PELI2: variants seen among roughly 807,000 people sequenced by gnomAD.
PELI2 encodes the protein pellino E3 ubiquitin protein ligase family member 2.
A neutral mutation model predicts 42.3 loss-of-function variants in PELI2; 23 were observed. The ratio of observed to expected loss-of-function variants is 0.54; its 90% confidence interval spans 0.39 to 0.77. The LOEUF is 0.77. PELI2 is among the 30% of genes least tolerant of loss of function. The probability of loss-of-function intolerance (pLI) is 0.00; values close to 1 mark genes in which losing one functional copy is unlikely to be tolerated. For missense variants in PELI2, 463 were observed against 553.2 expected, an observed-to-expected ratio of 0.84 and a Z score of 1.64; for synonymous variants, 245 against 212.2, an observed-to-expected ratio of 1.15 and a Z score of -1.34.
intron 2 of PELI2, among the ~76,000 whole-genome samples, chr14:56,209,524 GGT>G (rs1491196662): frequency 1.4e-5 from 2 of 138,454 alleles, no homozygotes; most frequent in African/African-American, 5.0e-5. Context: ...TTGGAAAATA[GGT>G]TTTTTTAATA....
chr14:56,210,533 A>G (rs867926002), intron 2 of PELI2, among the ~76,000 whole-genome samples: 13 of 152,332 alleles, frequency 8.5e-5, no homozygotes, highest in Middle Eastern at 6.8e-3. Flanking sequence ...AACTGCAGAA[A>G]CAAAAATTGT....
intron 2 of PELI2, among the ~76,000 whole-genome samples, chr14:56,198,116 G>A (rs1331272386): frequency 6.6e-6 from 1 of 152,116 alleles, no homozygotes; most frequent in African/African-American, 2.4e-5. Flanking sequence ...AAGAAGCAAC[G>A]GGACTCTCTC....
chr14:56,208,460 G>A (rs900143968), intron 2 of PELI2, among the ~76,000 whole-genome samples: 4 of 152,168 alleles, frequency 2.6e-5, no homozygotes, highest in Admixed American at 6.5e-5. Flanking sequence ...CCTGCAATAC[G>A]ATTGCATTTG....
At chr14:56,241,461 G>A (rs1276160879) in intron 2 of PELI2, among the ~76,000 whole-genome samples, 1 of 152,152 alleles carries the variant, frequency 6.6e-6, no homozygotes, top group Admixed American at 6.5e-5. Flanking sequence ...AAAGGGTGCA[G>A]CAAGTACAGG....
Position 56,273,592 on chromosome 14 carries a change from C to T in PELI2, c.208-6084C>T, listed in dbSNP as rs242588. 0.91 allele frequency among the ~76,000 whole-genome samples: 138,544 copies of T among 152,282 alleles called. 63,287 individuals carry two copies. Among genetic ancestry groups the T allele is most frequent in the Middle Eastern group, 0.95 (279 of 294 alleles). Reference sequence around the variant, plus strand: ...AAGTGAAATGTTACACATTGTTTTGCATTTGATTTTTGCCTTAATACAGTG... The same window carrying T: ...AAGTGAAATGTTACACATTGTTTTGTATTTGATTTTTGCCTTAATACAGTG... On this transcript the variant is annotated intron_variant, in intron 2 of 5. Transcript: ENST00000267460. The surrounding 1 kb of genome is among the most constrained non-coding windows in gnomAD (Gnocchi z 4.3).
At chr14:56,155,122 G>A (rs1403547530) in intron 1 of PELI2, among the ~76,000 whole-genome samples, 3 of 152,036 alleles carry the variant, frequency 2.0e-5, no homozygotes, top group Admixed American at 2.0e-4. Flanking sequence ...TTAAAGACAC[G>A]AGGCTTTTGT....
intron 1 of PELI2, 72 bp from the exon 2 acceptor site, chr14:56,178,263 A>G: frequency 2.0e-6 from 3 of 1,514,942 alleles, no homozygotes; most frequent in Non-Finnish European, 1.8e-6. Context: ...TCCCTTATTC[A>G]ATACCTCTAA....
rs189010143 is a variant in PELI2, at chr14:56,174,955, A to G, written c.78-3380A>G. Among the ~76,000 whole-genome samples, 12 of 152,082 alleles carry G rather than the reference A, an allele frequency of 7.9e-5. No individual in the cohort carries two copies. The East Asian group carries it at 2.1e-3, about 27-fold the overall frequency. Reference sequence around the variant, plus strand: ...TAGTCCTCCTTGCCTTGCACATTATATCACCCCTTCATTCTCCATTTAGAC... The same window carrying G: ...TAGTCCTCCTTGCCTTGCACATTATGTCACCCCTTCATTCTCCATTTAGAC... On this transcript the variant is annotated intron_variant, in intron 1 of 5. Coordinates refer to ENST00000267460, the MANE Select transcript of PELI2 (RefSeq NM_021255.3).
At chr14:56,161,463 T>C (rs1316574469) in intron 1 of PELI2, among the ~76,000 whole-genome samples, 5 of 152,098 alleles carry the variant, frequency 3.3e-5, no homozygotes, top group African/African-American at 9.7e-5. Context: ...TTAGTAGAGA[T>C]GGAGTTTCAC....
At chr14:56,208,900 A>G (rs1171849327) in intron 2 of PELI2, among the ~76,000 whole-genome samples, 3 of 152,246 alleles carry the variant, frequency 2.0e-5, no homozygotes, top group Non-Finnish European at 4.4e-5. Flanking sequence ...TAGGGAAATT[A>G]CAGGAAAATT....
intron 5 of PELI2, among the ~76,000 whole-genome samples, chr14:56,295,768 C>T (rs985074951): frequency 1.4e-4 from 22 of 152,190 alleles, no homozygotes; most frequent in Non-Finnish European, 2.8e-4. Flanking sequence ...ACCCAGAGTC[C>T]ACACTCCTGG....
rs181390292 is a variant in PELI2 at position 56,149,332 on chromosome 14, C to T, written c.78-29003C>T. 1.3e-3 allele frequency among the ~76,000 whole-genome samples: 191 copies of T among 152,282 alleles called. 2 individuals are homozygous for T. Among genetic ancestry groups the T allele is most frequent in the African/African-American group, 4.2e-3 (173 of 41,562 alleles). ...GTGCTTTTCCCTGTTTAACTTTCTT[C>T]TTATGCATCGTTCTGCTTTATGTAT... On this transcript the variant is annotated intron_variant, in intron 1 of 5. Coordinates refer to ENST00000267460, the MANE Select transcript of PELI2 (RefSeq NM_021255.3).
At chr14:56,218,320 G>C (rs2085701744) in intron 2 of PELI2, among the ~76,000 whole-genome samples, 1 of 152,236 alleles carries the variant, frequency 6.6e-6, no homozygotes, top group African/African-American at 2.4e-5. Flanking sequence ...AAGCAGACTA[G>C]TCTAGTGTTC....
intron 1 of PELI2, among the ~76,000 whole-genome samples, chr14:56,148,028 G>T (rs1884196517): frequency 6.6e-6 from 1 of 152,178 alleles, no homozygotes. Context: ...ATAATGTAAA[G>T]TTCAGCACCA....
chr14:56,207,855 G>A (rs2139721532), intron 2 of PELI2, among the ~76,000 whole-genome samples: 1 of 152,298 alleles, frequency 6.6e-6, no homozygotes, highest in East Asian at 1.9e-4. Context: ...CATTATCTTT[G>A]GCTGTCCTAG....
chr14:56,140,784 A>T (rs1883876057), intron 1 of PELI2, among the ~76,000 whole-genome samples: 1 of 152,226 alleles, frequency 6.6e-6, no homozygotes. Context: ...TGATGCAAGA[A>T]CTGGTGCCCA....
chr14:56,169,242 C>G (rs1250850286), intron 1 of PELI2, among the ~76,000 whole-genome samples: 3 of 152,198 alleles, frequency 2.0e-5, no homozygotes, highest in Non-Finnish European at 1.5e-5. Flanking sequence ...CCCACGGTCT[C>G]TGGGCCTAGC....
At chr14:56,194,932 A>G (rs906494042) in intron 2 of PELI2, among the ~76,000 whole-genome samples, 6 of 152,228 alleles carry the variant, frequency 3.9e-5, no homozygotes, top group African/African-American at 1.4e-4. Flanking sequence ...TTTGGATTCA[A>G]GAGCCAGCTG....
At chr14:56,227,779 A>G (rs911584872) in intron 2 of PELI2, among the ~76,000 whole-genome samples, 1 of 152,218 alleles carries the variant, frequency 6.6e-6, no homozygotes, top group African/African-American at 2.4e-5. Flanking sequence ...GGGGAGGGAA[A>G]GTACAAAATA....
Sources: gnomAD v4.1 joint callset for allele counts (sites outside exome capture counted in the v4.1 genomes callset) on GRCh38, gnomAD v4.1.1 for gene constraint, Gnocchi (gnomAD v3.1) non-coding constraint, MANE v1.5 for transcripts, NCBI Gene and HGNC (gene_info 2026-07-23, HGNC 2026-07-21) for gene names.